The following AGTPBP1 variants were observed in gnomAD, a reference collection of about 807,000 sequenced individuals.
The protein encoded by AGTPBP1 is cytosolic carboxypeptidase 1.
Under a neutral mutation model 143.9 loss-of-function variants are expected in AGTPBP1, and 70 were observed. The observed-to-expected ratio is 0.49, with a 90% confidence interval of 0.40 to 0.59. AGTPBP1 has a LOEUF of 0.59. AGTPBP1 is among the 20% of genes least tolerant of loss of function. AGTPBP1 has a pLI of 0.00. For missense variants in AGTPBP1, 1,229 were observed against 1,464.5 expected (o/e 0.84, Z 2.62); for synonymous variants, 463 against 500.2 (o/e 0.93, Z 0.99).
At chr9:85,582,551 G>A (rs1185670045) in intron 23 of AGTPBP1, among the ~76,000 whole-genome samples, 1 of 151,852 alleles carries the variant, frequency 6.6e-6, no homozygotes, top group Non-Finnish European at 1.5e-5. Context: ...GTGGTGGTGG[G>A]CACCTGTAAT....
the AGTPBP1 span, among the ~76,000 whole-genome samples, chr9:85,754,341 C>T: frequency 6.6e-6 from 1 of 152,314 alleles, no homozygotes; most frequent in Non-Finnish European, 1.5e-5. Flanking sequence ...CAGGTGCCCA[C>T]CACCATGCCC....
At chr9:85,722,159 C>A (rs1015403882) in intron 1 of AGTPBP1, among the ~76,000 whole-genome samples, 1 of 152,154 alleles carries the variant, frequency 6.6e-6, no homozygotes, top group Non-Finnish European at 1.5e-5. Context: ...TGGGGTTGCT[C>A]TTCTCAAGGA....
At chr9:85,681,369 T>G in intron 3 of AGTPBP1, 34 bp from the exon 4 acceptor site, 1 of 1,584,016 alleles carries the variant, frequency 6.3e-7, no homozygotes, top group South Asian at 1.1e-5. Flanking sequence ...TTCTCAAACA[T>G]AAATTTTTAA....
the AGTPBP1 span, among the ~76,000 whole-genome samples, chr9:85,761,224 A>T: frequency 1.3e-5 from 2 of 152,344 alleles, no homozygotes; most frequent in East Asian, 3.9e-4. Context: ...ATTCAATGCC[A>T]TCCCCATCAA....
chr9:85,611,678 T>C (rs1477654045), intron 17 of AGTPBP1, among the ~76,000 whole-genome samples: 2 of 152,142 alleles, frequency 1.3e-5, no homozygotes, highest in East Asian at 3.8e-4. Context: ...TAATATTAAA[T>C]ATGAAACAAT....
intron 8 of AGTPBP1, among the ~76,000 whole-genome samples, chr9:85,668,967 A>ATGTGTGTGTG (rs539493558): frequency 8.7e-6 from 1 of 114,388 alleles, no homozygotes; most frequent in South Asian, 2.9e-4. Context: ...ACATACATAC[A>ATGTGTGTGTG]TGTGTGTGTG....
At chr9:85,635,648 C>T (rs1413239586) in intron 13 of AGTPBP1, among the ~76,000 whole-genome samples, 1 of 151,964 alleles carries the variant, frequency 6.6e-6, no homozygotes, top group Middle Eastern at 3.2e-3. Context: ...CTGAAGCTAC[C>T]TTTCACTTTG....
At chr9:85,640,263 A>G (rs1434062878) in intron 13 of AGTPBP1, among the ~76,000 whole-genome samples, 2 of 152,244 alleles carry the variant, frequency 1.3e-5, no homozygotes, top group African/African-American at 2.4e-5. Context: ...AACAGAGCCT[A>G]AAGTATCAAA....
chr9:85,565,838 C>T (rs1564014150), intron 25 of AGTPBP1, among the ~76,000 whole-genome samples: 1 of 152,156 alleles, frequency 6.6e-6, no homozygotes, highest in Non-Finnish European at 1.5e-5. Flanking sequence ...AAACACCTTC[C>T]TTAAGAATTT....
At chr9:85,635,827 A>G (rs1405090385) in intron 13 of AGTPBP1, among the ~76,000 whole-genome samples, 1 of 151,828 alleles carries the variant, frequency 6.6e-6, no homozygotes, top group African/African-American at 2.4e-5. Context: ...TCCCACCACA[A>G]AAGAAAAAAA....
intron 2 of AGTPBP1, among the ~76,000 whole-genome samples, chr9:85,707,528 T>C (rs1443588736): frequency 6.6e-6 from 1 of 151,968 alleles, no homozygotes; most frequent in East Asian, 1.9e-4. Context: ...ATTCCCAATA[T>C]TAGGAATGGA....
intron 6 of AGTPBP1, among the ~76,000 whole-genome samples, chr9:85,674,859 A>C (rs1342015305): frequency 6.6e-6 from 1 of 152,184 alleles, no homozygotes; most frequent in African/African-American, 2.4e-5. Context: ...AAATACTCAA[A>C]GTTTAAAACT....
the AGTPBP1 span, among the ~76,000 whole-genome samples, chr9:85,778,575 G>T: frequency 1.3e-5 from 2 of 152,120 alleles, no homozygotes; most frequent in Admixed American, 1.3e-4. Context: ...TTCAAAACTG[G>T]CAGCCTTTCA....
chr9:85,582,651 G>A (rs2133130825), intron 23 of AGTPBP1, among the ~76,000 whole-genome samples: 1 of 152,042 alleles, frequency 6.6e-6, no homozygotes, highest in South Asian at 2.1e-4. Context: ...CTACACTCCG[G>A]CCTGGGTGAC....
In AGTPBP1 at chr9:85,606,409, G is replaced by A. The variant is rs1161447260; in HGVS notation, c.2336-9960C>T. Among the ~76,000 whole-genome samples, 3 of 150,180 alleles carry A rather than the reference G, an allele frequency of 2.0e-5. No homozygotes were observed. In the East Asian group the frequency reaches 5.8e-4, roughly 29 times the overall value. ...TAAAAAGAGAAAAAAAAAAAAAGATGTTAGTGAGGATGTGGAGAAAAGAGA... is the reference window on the plus strand; with the variant it reads ...TAAAAAGAGAAAAAAAAAAAAAGATATTAGTGAGGATGTGGAGAAAAGAGA... On this transcript the variant is annotated intron_variant, in intron 17 of 25. Coordinates refer to ENST00000357081, the MANE Select transcript of AGTPBP1 (RefSeq NM_001330701.2).
At chr9:85,594,845 G>A (rs928862651) in intron 18 of AGTPBP1, among the ~76,000 whole-genome samples, 1 of 152,174 alleles carries the variant, frequency 6.6e-6, no homozygotes, top group Non-Finnish European at 1.5e-5. Context: ...AGCATTCATT[G>A]ATTGACAATT....
the AGTPBP1 span, among the ~76,000 whole-genome samples, chr9:85,791,889 T>C: frequency 1.3e-5 from 2 of 151,702 alleles, no homozygotes; most frequent in Non-Finnish European, 2.9e-5. Flanking sequence ...AGCCATTCAA[T>C]AGAGAATTAC....
intron 25 of AGTPBP1, among the ~76,000 whole-genome samples, chr9:85,547,788 G>A (rs894986365): frequency 2.0e-5 from 3 of 152,134 alleles, no homozygotes; most frequent in Admixed American, 1.3e-4. Context: ...ACCAGTTTCC[G>A]TAGGTCAAGA....
At chr9:85,677,317 T>C (rs1834889934) in intron 6 of AGTPBP1, 119 bp downstream of exon 6, 3 of 872,686 alleles carry the variant, frequency 3.4e-6, no homozygotes, top group Non-Finnish European at 5.1e-6. Context: ...ACAATTATTG[T>C]GTATCCATAG....
Sources: allele counts gnomAD v4.1 joint callset (sites outside exome capture counted in the v4.1 genomes callset), GRCh38; gene constraint gnomAD v4.1.1; transcripts MANE v1.5; gene names NCBI Gene and HGNC (gene_info 2026-07-23, HGNC 2026-07-21).